The following WWP1 variants were observed in gnomAD, a reference collection of about 807,000 sequenced individuals.
WWP1 encodes the protein NEDD4-like E3 ubiquitin-protein ligase WWP1.
In WWP1, 49 loss-of-function variants were observed where a neutral mutation model predicts 130.6. The ratio of observed to expected loss-of-function variants is 0.38; its 90% CI spans 0.30 to 0.48. The LOEUF (loss-of-function observed/expected upper bound fraction) is 0.48, where lower values mean the gene tolerates loss of function less well. WWP1 is among the 20% of genes least tolerant of loss of function. WWP1 has a pLI of 0.99. For synonymous variants in WWP1, 332 were observed against 367.8 expected (o/e 0.90, Z 1.11); for missense variants, 809 against 1,100.6 (o/e 0.74, Z 3.75).
intron 17 of WWP1, among the ~76,000 whole-genome samples, chr8:86,439,096 C>T (rs950037462): frequency 6.7e-6 from 1 of 148,860 alleles, no homozygotes; most frequent in Non-Finnish European, 1.5e-5. Flanking sequence ...GTAATCCCAG[C>T]ACTTTGGGAG....
intron 7 of WWP1, among the ~76,000 whole-genome samples, 189 bp downstream of exon 7, chr8:86,398,827 A>G (rs2130488423): frequency 6.6e-6 from 1 of 152,212 alleles, no homozygotes; most frequent in East Asian, 1.9e-4. Flanking sequence ...GATATCATAC[A>G]TATATCATGA....
intron 9 of WWP1, among the ~76,000 whole-genome samples, chr8:86,414,362 G>A (rs1808758660): frequency 6.6e-6 from 1 of 152,066 alleles, no homozygotes; most frequent in Non-Finnish European, 1.5e-5. Context: ...AAGTTTAAAA[G>A]CCACTAATCC....
rs538567997 is a variant in WWP1, at chr8:86,463,339, C to G, written c.2669+1493C>G. On this transcript the variant is annotated intron_variant, in intron 24 of 24. Coordinates refer to ENST00000517970, the MANE Select transcript of WWP1 (RefSeq NM_007013.4). Reference sequence around the variant, plus strand: ...TTTGTTTTTTTGAGATGGAGTCTCACTCTGTCACCCAGTCTGGAGTGCAGT... The same window carrying G: ...TTTGTTTTTTTGAGATGGAGTCTCAGTCTGTCACCCAGTCTGGAGTGCAGT... Among the ~76,000 whole-genome samples, 21 of 152,186 alleles carry G rather than the reference C, an allele frequency of 1.4e-4. No homozygotes were observed. In the South Asian group the frequency reaches 4.2e-3, roughly 30 times the overall value.
chr8:86,393,465 C>T (rs529710470), intron 5 of WWP1, among the ~76,000 whole-genome samples: 110 of 152,196 alleles, frequency 7.2e-4, no homozygotes, highest in African/African-American at 2.6e-3. Flanking sequence ...CTAGGCTGAT[C>T]TTGAACTCCT....
At chr8:86,404,331 G>C (rs1808157332) in intron 8 of WWP1, among the ~76,000 whole-genome samples, 1 of 152,158 alleles carries the variant, frequency 6.6e-6, no homozygotes, top group Non-Finnish European at 1.5e-5. Context: ...ATACATTGGT[G>C]AAAGTATCCA....
At chr8:86,464,219 A>T (rs938862671) in intron 24 of WWP1, among the ~76,000 whole-genome samples, 3 of 152,214 alleles carry the variant, frequency 2.0e-5, no homozygotes, top group African/African-American at 7.2e-5. Context: ...ACCTGACAAG[A>T]TGAGTAATCT....
intron 1 of WWP1, among the ~76,000 whole-genome samples, chr8:86,364,287 G>A (rs1823834363): frequency 6.6e-6 from 1 of 152,028 alleles, no homozygotes; most frequent in African/African-American, 2.4e-5. Context: ...TAGAGTAGGT[G>A]GGTCATAGAA....
chr8:86,430,003 A>G (rs1809846981), intron 11 of WWP1, among the ~76,000 whole-genome samples: 1 of 152,158 alleles, frequency 6.6e-6, no homozygotes. Flanking sequence ...GTTCGAGACC[A>G]GCCTCAGAAA....
chr8:86,413,396 G>A (rs1808697819), intron 9 of WWP1, among the ~76,000 whole-genome samples: 1 of 152,078 alleles, frequency 6.6e-6, no homozygotes, highest in Non-Finnish European at 1.5e-5. Flanking sequence ...GGTGGGGGAG[G>A]GGAAGAGAAG....
intron 14 of WWP1, 132 bp from the exon 15 acceptor site, chr8:86,435,320 G>A (rs1232310595): frequency 1.1e-6 from 1 of 891,216 alleles, no homozygotes; most frequent in African/African-American, 1.7e-5. Context: ...CACCATGTAT[G>A]TATACCCTTC....
chr8:86,361,962 T>TTG (rs1823626503), intron 1 of WWP1, among the ~76,000 whole-genome samples: 10 of 127,464 alleles, frequency 7.8e-5, no homozygotes, highest in Non-Finnish European at 1.8e-5. Flanking sequence ...AAAATATGCC[T>TTG]AGTGTGTGTG....
intron 1 of WWP1, among the ~76,000 whole-genome samples, chr8:86,362,768 A>T (rs1823745422): frequency 6.6e-6 from 1 of 152,148 alleles, no homozygotes. Context: ...GCTAGACAAG[A>T]TCGAGTGTAG....
At chr8:86,454,050 G>C (rs368639560) in intron 21 of WWP1, among the ~76,000 whole-genome samples, 7 of 152,046 alleles carry the variant, frequency 4.6e-5, no homozygotes, top group African/African-American at 1.7e-4. Context: ...TGGCAAGTCT[G>C]ACTAACCTAG....
rs181155106 is a variant in WWP1, at chr8:86,449,945, G to T, written c.2273+1432G>T. Among the ~76,000 whole-genome samples, 4 of 152,156 alleles carry T rather than the reference G, an allele frequency of 2.6e-5. No individual in the cohort carries two copies. The East Asian group carries it at 7.7e-4, about 29-fold the overall frequency. Reference sequence around the variant, plus strand: ...ATTCCTGTCAATAGAGATCATTTAGGTTGTGTCCAGTTTGGGCCACTGCAA... The same window carrying T: ...ATTCCTGTCAATAGAGATCATTTAGTTTGTGTCCAGTTTGGGCCACTGCAA... On this transcript the variant is annotated intron_variant, in intron 20 of 24. Coordinates refer to ENST00000517970, the MANE Select transcript of WWP1 (RefSeq NM_007013.4).
chr8:86,448,115 A>G, intron 18 of WWP1, 33 bp from the exon 19 acceptor site: 2 of 1,527,102 alleles, frequency 1.3e-6, no homozygotes, highest in African/African-American at 1.4e-5. Flanking sequence ...TATTTTGCAA[A>G]TTTTAAATAA....
At chr8:86,427,359 G>T (rs1231602638) in intron 10 of WWP1, among the ~76,000 whole-genome samples, 1 of 151,072 alleles carries the variant, frequency 6.6e-6, no homozygotes, top group African/African-American at 2.4e-5. Flanking sequence ...TAACAAACCT[G>T]CACGTTCTAC....
intron 22 of WWP1, among the ~76,000 whole-genome samples, chr8:86,459,603 C>T (rs185175913): frequency 5.3e-5 from 8 of 152,268 alleles, no homozygotes; most frequent in East Asian, 1.9e-4. Flanking sequence ...AAGCCTTTTG[C>T]ATTCTATACT....
rs2130695355 is a variant in WWP1, at chr8:86,434,848, A to G, written c.1602-604A>G. The stretch of plus-strand genomic sequence containing the variant: ...CATCTGTTCCAAAGTGTTCCTTAAC[A>G]TTATGAAAGTTCTTTGTGCCTGTCA... On this transcript the variant is annotated intron_variant, in intron 14 of 24. Coordinates refer to ENST00000517970, the MANE Select transcript of WWP1 (RefSeq NM_007013.4). 2.0e-5 allele frequency among the ~76,000 whole-genome samples: 3 copies of G among 152,314 alleles called. No homozygotes were observed. The East Asian group carries it at 5.8e-4, about 29-fold the overall frequency.
At chr8:86,448,729 T>C (rs1811019050) in intron 20 of WWP1, among the ~76,000 whole-genome samples, 1 of 152,198 alleles carries the variant, frequency 6.6e-6, no homozygotes, top group Non-Finnish European at 1.5e-5. Flanking sequence ...TTTTCCCTTT[T>C]TTAACTTAGG....
Sources: gnomAD v4.1 joint callset for allele counts (sites outside exome capture counted in the v4.1 genomes callset) on GRCh38, gnomAD v4.1.1 for gene constraint, MANE v1.5 for transcripts, NCBI Gene and HGNC (gene_info 2026-07-23, HGNC 2026-07-21) for gene names.